The following MGMT variants were observed in gnomAD, a reference collection of about 807,000 sequenced individuals.
MGMT encodes the protein O-6-methylguanine-DNA methyltransferase.
MGMT carries 14 observed loss-of-function variants against 15.9 expected under a neutral mutation model. The observed-to-expected ratio is 0.88, with a 90% CI of 0.58 to 1.37. The LOEUF is 1.37. Ranked by LOEUF, MGMT falls within the 40% of genes most tolerant of loss-of-function variation. The probability of loss-of-function intolerance (pLI) is 0.00; values close to 1 mark genes in which losing one functional copy is unlikely to be tolerated. For missense variants in MGMT, 282 were observed against 268.1 expected, an observed-to-expected ratio of 1.05 and a Z score of -0.36; for synonymous variants, 130 against 118.2, an observed-to-expected ratio of 1.10 and a Z score of -0.65.
intron 2 of MGMT, among the ~76,000 whole-genome samples, chr10:129,597,339 T>C (rs2133058436): frequency 6.6e-6 from 1 of 152,308 alleles, no homozygotes; most frequent in South Asian, 2.1e-4. Context: ...TGAGAACCTT[T>C]GGGGACTTCT....
intron 2 of MGMT, among the ~76,000 whole-genome samples, chr10:129,585,804 C>G (rs1467414939): frequency 6.6e-6 from 1 of 152,122 alleles, no homozygotes; most frequent in Non-Finnish European, 1.5e-5. Context: ...CACATACATC[C>G]CCATAATAAA....
At chr10:129,528,657 C>T (rs182291814) in intron 1 of MGMT, among the ~76,000 whole-genome samples, 11 of 150,528 alleles carry the variant, frequency 7.3e-5, no homozygotes, top group Non-Finnish European at 1.3e-4. Context: ...CATGGAGAAC[C>T]GTGGTGGCGG....
intron 4 of MGMT, among the ~76,000 whole-genome samples, chr10:129,764,874 T>A (rs917086416): frequency 7.2e-5 from 11 of 152,038 alleles, no homozygotes; most frequent in African/African-American, 2.7e-4. Flanking sequence ...CATCCGTGTC[T>A]GGGCCATCTA....
At chr10:129,736,337 A>C (rs1189869632) in intron 3 of MGMT, among the ~76,000 whole-genome samples, 1 of 151,548 alleles carries the variant, frequency 6.6e-6, no homozygotes. Context: ...GTCTCTTTTG[A>C]TCTTTGTTGG....
At chr10:129,723,612 A>C (rs1848399825) in intron 3 of MGMT, among the ~76,000 whole-genome samples, 1 of 152,258 alleles carries the variant, frequency 6.6e-6, no homozygotes, top group South Asian at 2.1e-4. Context: ...ACAGAATGAG[A>C]GAAATTTTTA....
chr10:129,628,022 C>G (rs999171014), intron 2 of MGMT, among the ~76,000 whole-genome samples: 1 of 152,160 alleles, frequency 6.6e-6, no homozygotes, highest in African/African-American at 2.4e-5. Flanking sequence ...GTTTAAAACT[C>G]TAGCTGGTGA....
intron 3 of MGMT, among the ~76,000 whole-genome samples, chr10:129,755,462 A>G (rs1480284012): frequency 6.6e-6 from 1 of 152,350 alleles, no homozygotes; most frequent in South Asian, 2.1e-4. Context: ...CCCGGCAGGT[A>G]GCACCTGTGT....
intron 3 of MGMT, among the ~76,000 whole-genome samples, chr10:129,742,847 C>T (rs1216334460): frequency 7.3e-5 from 11 of 151,042 alleles, no homozygotes; most frequent in East Asian, 2.0e-4. Context: ...TCAGCAGTGC[C>T]GCACGACTGC....
At chr10:129,496,628 C>G (rs368073466) in intron 1 of MGMT, among the ~76,000 whole-genome samples, 1 of 152,020 alleles carries the variant, frequency 6.6e-6, no homozygotes, top group Non-Finnish European at 1.5e-5. Context: ...GGATTTCTGT[C>G]GCATCAGCTT....
At chr10:129,546,855 T>C (rs1383642717) in intron 2 of MGMT, among the ~76,000 whole-genome samples, 1 of 152,214 alleles carries the variant, frequency 6.6e-6, no homozygotes, top group Non-Finnish European at 1.5e-5. Flanking sequence ...AGCTAAATGC[T>C]GTTTGCTCAG....
Position 129,673,650 on chromosome 10 carries a change from A to G in MGMT, c.126-34245A>G, listed in dbSNP as rs756971571. Reference sequence around the variant, plus strand: ...GTCCACATCGGCTTGATGCCCATTCAGGGGTTGCAAGTTCTCCTGGTCTGG... The same window carrying G: ...GTCCACATCGGCTTGATGCCCATTCGGGGGTTGCAAGTTCTCCTGGTCTGG... On this transcript the variant is annotated intron_variant, in intron 2 of 4. Transcript: ENST00000651593. 9.5e-4 allele frequency among the ~76,000 whole-genome samples: 144 copies of G among 152,274 alleles called. 1 individual carries two copies. The highest frequency in any genetic ancestry group is 2.1e-3 in the Admixed American group (32 of 15,298).
chr10:129,714,515 C>G (rs976266426), intron 3 of MGMT, among the ~76,000 whole-genome samples: 24 of 152,242 alleles, frequency 1.6e-4, no homozygotes, highest in African/African-American at 5.8e-4. Context: ...TCAGAATCCT[C>G]TAGACATTTC....
chr10:129,734,738 A>G lies in MGMT; in HGVS notation c.275-24464A>G, dbSNP rs944606395. On this transcript the variant is annotated intron_variant, in intron 3 of 4. Transcript: ENST00000651593. ...TTATTATTTTGAGATACGTCCCATC[A>G]ATACCTAATTTATTGAGAGTTTTTA... Among the ~76,000 whole-genome samples, 1,521 of 152,260 alleles carry G rather than the reference A, an allele frequency of 1.0e-2. 22 individuals are homozygous for G. The highest frequency in any genetic ancestry group is 0.033 in the African/African-American group (1,356 of 41,540).
chr10:129,706,966 C>T (rs1848170552), intron 2 of MGMT, among the ~76,000 whole-genome samples: 1 of 152,048 alleles, frequency 6.6e-6, no homozygotes, highest in African/African-American at 2.4e-5. Flanking sequence ...GGAGAGTGTC[C>T]AGAAAGAACC....
chr10:129,639,888 A>G (rs1847308053), intron 2 of MGMT, among the ~76,000 whole-genome samples: 1 of 151,900 alleles, frequency 6.6e-6, no homozygotes. Flanking sequence ...TCAATGAGTC[A>G]AAGAACTGGT....
At chr10:129,697,907 C>G (rs527636862) in intron 2 of MGMT, among the ~76,000 whole-genome samples, 1 of 152,182 alleles carries the variant, frequency 6.6e-6, no homozygotes, top group South Asian at 2.1e-4. Context: ...CATCCCAGAG[C>G]AGGTTCTTGG....
chr10:129,756,540 G>T (rs1848808363), intron 3 of MGMT, among the ~76,000 whole-genome samples: 2 of 152,212 alleles, frequency 1.3e-5, no homozygotes, highest in Admixed American at 6.5e-5. Flanking sequence ...CACAATCTCA[G>T]ATCACTGCAA....
chr10:129,708,170 G>A (rs1031896344), intron 3 of MGMT, 127 bp downstream of exon 3: 27 of 1,314,400 alleles, frequency 2.1e-5, no homozygotes, highest in African/African-American at 1.0e-4. Flanking sequence ...CAGAGGCAGC[G>A]TTTGGCCGAG....
chr10:129,637,834 G>C (rs536247818), intron 2 of MGMT, among the ~76,000 whole-genome samples: 1 of 152,296 alleles, frequency 6.6e-6, no homozygotes, highest in Admixed American at 6.5e-5. Flanking sequence ...GAAGAGAGGC[G>C]TCAGAGAAAA....
Sources: gnomAD v4.1 joint callset for allele counts (sites outside exome capture counted in the v4.1 genomes callset) on GRCh38, gnomAD v4.1.1 for gene constraint, MANE v1.5 for transcripts, NCBI Gene and HGNC (gene_info 2026-07-23, HGNC 2026-07-21) for gene names.